GNAL: variants seen among roughly 807,000 people sequenced by gnomAD.
GNAL encodes guanine nucleotide-binding protein G(olf) subunit alpha.
GNAL carries 18 observed loss-of-function variants against 55.1 expected under a neutral mutation model. That is an observed-to-expected ratio of 0.33 (90% CI 0.23 to 0.48). GNAL has a LOEUF of 0.48. Ranked by LOEUF, GNAL falls within the 20% of genes least tolerant of loss-of-function variation. GNAL has a pLI of 0.99. For missense variants in GNAL, 412 were observed against 614.1 expected (o/e 0.67, Z 3.48); for synonymous variants, 253 against 237.0 (o/e 1.07, Z -0.62).
intron 4 of GNAL, among the ~76,000 whole-genome samples, chr18:11,824,692 A>AT (rs1309845644): frequency 1.3e-4 from 10 of 78,426 alleles, no homozygotes; most frequent in Admixed American, 3.8e-4. Flanking sequence ...TGTCTCAAAA[A>AT]AAAAACAAAA....
intron 1 of GNAL, among the ~76,000 whole-genome samples, chr18:11,693,964 T>G (rs1056688229): frequency 6.6e-6 from 1 of 151,104 alleles, no homozygotes; most frequent in African/African-American, 2.4e-5. Flanking sequence ...GCAATCTTCC[T>G]GCCTCAGCCC....
chr18:11,753,831 T>C lies in GNAL; in HGVS notation c.510T>C (p.Ile170=). 6.2e-7 allele frequency: 1 copy of C among 1,608,576 alleles called. No individual in the cohort carries two copies. Among genetic ancestry groups the C allele is most frequent in the African/African-American group, 1.3e-5 (1 of 74,920 alleles). ...TTTTTCTTATTCCATTTTAGACAAT[T>C]GTTTCAGCAATGAGTACTATAATAC... ...RKNVKDAIVT[I]VSAMSTIIPP... Residue 170 remains isoleucine, a synonymous_variant, in exon 4 of 12, where the codon ATT becomes ATC. Coordinates refer to ENST00000334049, the MANE Select transcript of GNAL (RefSeq NM_182978.4).
intron 4 of GNAL, among the ~76,000 whole-genome samples, chr18:11,800,103 A>G (rs540549616): frequency 9.2e-5 from 14 of 152,252 alleles, no homozygotes; most frequent in South Asian, 4.1e-4. Flanking sequence ...TAGGTCAACA[A>G]CCTTCAACAA....
chr18:11,829,952 GTGAGC>G (rs1332408056), intron 5 of GNAL, among the ~76,000 whole-genome samples: 1 of 152,166 alleles, frequency 6.6e-6, no homozygotes. Flanking sequence ...AGAGGTTTCA[GTGAGC>G]TGAAATCCGT....
chr18:11,856,914 AGAGT>A (rs2036020973), intron 5 of GNAL, among the ~76,000 whole-genome samples: 3 of 152,260 alleles, frequency 2.0e-5, no homozygotes, highest in South Asian at 4.1e-4. Flanking sequence ...CCTGGGTGAC[AGAGT>A]GAGACTGTCT....
rs942982033 is a variant in GNAL at position 11,752,755 on chromosome 18, C to T, written c.377-98C>T. 1.4e-5 allele frequency: 16 copies of T among 1,156,418 alleles called. No individual in the cohort carries two copies. In the South Asian group the frequency reaches 1.8e-4, roughly 13 times the overall value. 71.6% of individuals were successfully genotyped at this position (1,156,418 alleles called of 1,614,324 possible). A position where few individuals can be genotyped will look rare whatever the true frequency, so the allele number is the denominator to read the frequency against. ...CCAGGAACCCGCGTGTAGGAAATCCCCGTGCTGGGGGAGGAGGATTGCTCA... is the reference window on the plus strand; with the variant it reads ...CCAGGAACCCGCGTGTAGGAAATCCTCGTGCTGGGGGAGGAGGATTGCTCA... On this transcript the variant is annotated intron_variant, in intron 1 of 11. Transcript: ENST00000334049. This position sits in a 1 kb window ranked among gnomAD's most constrained non-coding sequence, Gnocchi z 4.5.
intron 4 of GNAL, among the ~76,000 whole-genome samples, chr18:11,775,551 GC>G: frequency 6.6e-6 from 1 of 152,344 alleles, no homozygotes; most frequent in South Asian, 2.1e-4. Context: ...CAATGTCTAA[GC>G]CCTACCTCAC....
At chr18:11,879,594 C>G (rs556246796) in intron 11 of GNAL, among the ~76,000 whole-genome samples, 1 of 152,308 alleles carries the variant, frequency 6.6e-6, no homozygotes, top group East Asian at 1.9e-4. Flanking sequence ...CCTCATTTTA[C>G]CGTAATTGCC....
chr18:11,740,403 G>A (rs988725771), intron 1 of GNAL, among the ~76,000 whole-genome samples: 8 of 152,042 alleles, frequency 5.3e-5, no homozygotes, highest in African/African-American at 1.5e-4. Context: ...GTCCCTGCTC[G>A]CTGCTACTGG....
Position 11,788,906 on chromosome 18 carries a change from AAAAAAAAAATATATAT to A in GNAL, c.624+34963_624+34978del, listed in dbSNP as rs547443749. On this transcript the variant is annotated intron_variant, in intron 4 of 11. Coordinates refer to ENST00000334049, the MANE Select transcript of GNAL (RefSeq NM_182978.4). ...AGCAAGACTCCGTCTCGAAAAAAAA[AAAAAAAAAATATATAT>A]ATATATATATATATACACATATATA... Among the ~76,000 whole-genome samples, 15 of 23,576 alleles carry A rather than the reference AAAAAAAAAATATATAT, an allele frequency of 6.4e-4. 1 individual carries two copies. The South Asian group carries it at 0.02, about 31-fold the overall frequency. 15.5% of individuals were successfully genotyped at this position (23,576 alleles called of 152,430 possible). A position where few individuals can be genotyped will look rare whatever the true frequency, so the allele number is the denominator to read the frequency against.
chr18:11,814,678 C>G (rs1210421538), intron 4 of GNAL, among the ~76,000 whole-genome samples: 2 of 152,178 alleles, frequency 1.3e-5, no homozygotes, highest in African/African-American at 4.8e-5. Context: ...AGGTGGATCA[C>G]TTGAGGTCAG....
chr18:11,847,340 G>T (rs950876111), intron 5 of GNAL, among the ~76,000 whole-genome samples: 3 of 151,246 alleles, frequency 2.0e-5, no homozygotes, highest in Non-Finnish European at 4.4e-5. Flanking sequence ...ACATACTGAT[G>T]AGAATCCAGA....
chr18:11,731,236 C>T (rs1004597198), intron 1 of GNAL, among the ~76,000 whole-genome samples: 2 of 152,226 alleles, frequency 1.3e-5, no homozygotes, highest in Admixed American at 1.3e-4. Context: ...AAACCTCCGC[C>T]TCCTGGGTTC....
chr18:11,692,605 T>C (rs112727166), intron 1 of GNAL, among the ~76,000 whole-genome samples: 8 of 152,140 alleles, frequency 5.3e-5, no homozygotes, highest in Middle Eastern at 3.4e-3. Context: ...ATCCACATAT[T>C]TTTCTGGAAG....
intron 1 of GNAL, among the ~76,000 whole-genome samples, chr18:11,749,018 C>T (rs1361266724): frequency 1.3e-5 from 2 of 149,506 alleles, no homozygotes; most frequent in African/African-American, 2.5e-5. Context: ...CCCAGCTACT[C>T]GGGAGGCTGA....
At chr18:11,830,379 C>T (rs904931582) in intron 5 of GNAL, among the ~76,000 whole-genome samples, 13 of 151,080 alleles carry the variant, frequency 8.6e-5, no homozygotes, top group African/African-American at 2.2e-4. Context: ...CTCCACCTCC[C>T]GGGTTCAAGC....
chr18:11,790,092 C>T (rs900386891), intron 4 of GNAL, among the ~76,000 whole-genome samples: 1 of 152,152 alleles, frequency 6.6e-6, no homozygotes, highest in Non-Finnish European at 1.5e-5. Flanking sequence ...GTTCTTAGAA[C>T]AATGAGATGT....
At chr18:11,750,909 G>A (rs944507847) in intron 1 of GNAL, among the ~76,000 whole-genome samples, 2 of 152,128 alleles carry the variant, frequency 1.3e-5, no homozygotes, top group Admixed American at 6.5e-5. Flanking sequence ...AGCAAGAGTG[G>A]AGAGGGGAAG....
chr18:11,862,294 C>G (rs1051085871), intron 5 of GNAL, 101 bp from the exon 6 acceptor site: 5 of 825,122 alleles, frequency 6.1e-6, no homozygotes, highest in South Asian at 2.9e-5. Flanking sequence ...TGGCCTGCCC[C>G]CATCCTTGCT....
Sources: gnomAD v4.1 joint callset for allele counts (sites outside exome capture counted in the v4.1 genomes callset) on GRCh38, gnomAD v4.1.1 for gene constraint, Gnocchi (gnomAD v3.1) non-coding constraint, MANE v1.5 for transcripts, NCBI Gene and HGNC (gene_info 2026-07-23, HGNC 2026-07-21) for gene names.